The following PSG5 variants were observed in gnomAD, a reference collection of about 807,000 sequenced individuals.
PSG5 encodes the protein pregnancy specific beta-1-glycoprotein 5.
PSG5 carries 53 observed loss-of-function variants against 37.7 expected under a neutral mutation model. The observed-to-expected ratio is 1.41, with a 90% CI of 1.13 to 1.77. PSG5 has a LOEUF of 1.77. Ranked by LOEUF, PSG5 falls within the 40% of genes most tolerant of loss-of-function variation. PSG5 has a pLI of 0.00. For missense variants in PSG5, 547 were observed against 405.2 expected (o/e 1.35, Z -3.00); for synonymous variants, 221 against 155.4 (o/e 1.42, Z -3.14).
chr19:43,179,723 G>T (rs1381860833), intron 2 of PSG5, among the ~76,000 whole-genome samples: 1 of 151,680 alleles, frequency 6.6e-6, no homozygotes, highest in South Asian at 2.1e-4. Context: ...CAGTCATCAG[G>T]CAGTGGAGCC....
rs57854606 is a variant in PSG5, at chr19:43,175,508, A to C, written c.710-39T>G. The C allele has an allele frequency of 8.9e-6, 14 of 1,574,392 alleles. 2 individuals are homozygous for C. The highest frequency in any genetic ancestry group is 1.4e-5 in the African/African-American group (1 of 73,358). On this transcript the variant is annotated intron_variant, in intron 3 of 5. Transcript: ENST00000342951. Reference sequence around the variant, plus strand: ...AATGAAGCCACAGGTGATGTCATCCAAGGGAAGGGGATGCTCCTGGTCTCT... The same window carrying C: ...AATGAAGCCACAGGTGATGTCATCCCAGGGAAGGGGATGCTCCTGGTCTCT...
At chr19:43,168,331 T>C (rs1327181290) in intron 5 of PSG5, 128 bp from the exon 6 acceptor site, 1 of 289,154 alleles carries the variant, frequency 3.5e-6, no homozygotes, top group African/African-American at 2.2e-5. Flanking sequence ...ACATATTTGA[T>C]TTCCAGAAAT....
intron 5 of PSG5, among the ~76,000 whole-genome samples, chr19:43,168,747 A>C (rs1225298035): frequency 6.6e-6 from 1 of 151,536 alleles, no homozygotes; most frequent in Non-Finnish European, 1.5e-5. Flanking sequence ...TTTATTTGAA[A>C]ATGTTTTCTA....
At chr19:43,185,947 A>C (rs1370276173) in intron 1 of PSG5, among the ~76,000 whole-genome samples, 1 of 149,538 alleles carries the variant, frequency 6.7e-6, no homozygotes, top group South Asian at 2.1e-4. Flanking sequence ...TCCAACAGAG[A>C]CTTCTTTCCT....
chr19:43,186,051 G>T (rs1285300188), intron 1 of PSG5, among the ~76,000 whole-genome samples: 1 of 150,292 alleles, frequency 6.7e-6, no homozygotes, highest in Non-Finnish European at 1.5e-5. Flanking sequence ...ATCTCGGCTC[G>T]CTGCAACTTC....
At chr19:43,186,212 A>G (rs1966936497) in intron 1 of PSG5, 130 bp downstream of exon 1, 3 of 1,488,208 alleles carry the variant, frequency 2.0e-6, no homozygotes, top group East Asian at 2.3e-5. Context: ...TCCTGATCTC[A>G]TAATCCACCC....
intron 2 of PSG5, among the ~76,000 whole-genome samples, chr19:43,181,323 CT>C (rs1317956170): frequency 2.0e-5 from 3 of 151,672 alleles, no homozygotes; most frequent in East Asian, 3.8e-4. Context: ...TGTTGTTCCA[CT>C]TTTTTTCCCC....
In PSG5 at chr19:43,181,680, C is replaced by T. The variant is rs555789836; in HGVS notation, c.430+3102G>A. Among the ~76,000 whole-genome samples the T allele has an allele frequency of 1.2e-3, 188 of 151,678 alleles. 3 individuals are homozygous for T. The highest frequency in any genetic ancestry group is 2.2e-3 in the Non-Finnish European group (147 of 67,940). ...TCAACATGTTAGCCAGGATGGTCTC[C>T]ATCTTCTGACCTTGTGCCCGCCTCG... On this transcript the variant is annotated intron_variant, in intron 2 of 5. Transcript: ENST00000342951.
At chr19:43,172,145 G>T (rs898845053) in intron 4 of PSG5, among the ~76,000 whole-genome samples, 1 of 151,260 alleles carries the variant, frequency 6.6e-6, no homozygotes, top group African/African-American at 2.4e-5. Context: ...AATATGAATA[G>T]AACTATAATC....
chr19:43,184,721 G>T (rs1216331242), intron 2 of PSG5, 61 bp downstream of exon 2: 6 of 1,604,504 alleles, frequency 3.7e-6, no homozygotes, highest in Non-Finnish European at 5.1e-6. Context: ...ACAATCCTGT[G>T]TGTGTGAAGT....
chr19:43,173,699 G>A (rs540070251), intron 4 of PSG5, among the ~76,000 whole-genome samples: 1 of 151,710 alleles, frequency 6.6e-6, no homozygotes, highest in South Asian at 2.1e-4. Context: ...CAACAAAAAT[G>A]ACAGCAACAC....
chr19:43,177,515 T>C (rs1050030716), intron 2 of PSG5, among the ~76,000 whole-genome samples: 5 of 151,346 alleles, frequency 3.3e-5, no homozygotes, highest in Non-Finnish European at 7.4e-5. Flanking sequence ...CCCTTTTTTT[T>C]TTTTATCTCA....
At chr19:43,181,217 A>C (rs1454795234) in intron 2 of PSG5, among the ~76,000 whole-genome samples, 1 of 151,622 alleles carries the variant, frequency 6.6e-6, no homozygotes, top group African/African-American at 2.4e-5. Context: ...ACCAATATTC[A>C]CATTACGTGT....
rs707757 is a variant in PSG5 at position 43,168,011 on chromosome 19, A to T, written c.*233T>A. The T allele has an allele frequency of 1.0e-4, 41 of 411,812 alleles. 1 individual carries two copies. Among genetic ancestry groups the T allele is most frequent in the African/African-American group, 4.7e-4 (23 of 48,470 alleles). The allele number at this position is 411,812 out of a possible 1,614,324, so 25.5% of individuals were successfully genotyped here. On this transcript the variant is annotated 3_prime_UTR_variant, in exon 6 of 6. Transcript: ENST00000342951. ...CATGGAGTTTTTTTCTTCTTTGTCTAGAATTTCATGAAGGTATCAGCCTGT... is the reference window on the plus strand; with the variant it reads ...CATGGAGTTTTTTTCTTCTTTGTCTTGAATTTCATGAAGGTATCAGCCTGT...
chr19:43,182,145 G>T (rs1969141352), intron 2 of PSG5, among the ~76,000 whole-genome samples: 1 of 151,732 alleles, frequency 6.6e-6, no homozygotes, highest in African/African-American at 2.4e-5. Flanking sequence ...TTTGAAGCAA[G>T]AATCACAAAA....
At chr19:43,172,784 A>G (rs1211811926) in intron 4 of PSG5, among the ~76,000 whole-genome samples, 1 of 151,670 alleles carries the variant, frequency 6.6e-6, no homozygotes, top group African/African-American at 2.4e-5. Flanking sequence ...AAGACTCAAT[A>G]TTGTTAGGAG....
intron 2 of PSG5, chr19:43,180,313 C>G (rs959634350): frequency 1.3e-5 from 2 of 151,564 alleles, no homozygotes; most frequent in African/African-American, 2.4e-5. Context: ...AGATACAGTG[C>G]TCCTTATGCA....
In PSG5 at chr19:43,175,136, A is replaced by T. The variant is rs1192887172; in HGVS notation, c.964+79T>A. On this transcript the variant is annotated intron_variant, in intron 4 of 5. Transcript: ENST00000342951. ...CATGGGACACAGGCTGGGAATAAAA[A>T]TGTTTTCCTAACTCTTCTCTGAAAG... is the stretch of plus-strand genomic sequence containing the variant. 4.5e-5 allele frequency: 72 copies of T among 1,609,744 alleles called. 1 individual carries two copies. The highest frequency in any genetic ancestry group is 5.9e-5 in the Non-Finnish European group (70 of 1,178,458).
intron 4 of PSG5, among the ~76,000 whole-genome samples, chr19:43,173,537 A>G (rs1384763125): frequency 6.6e-6 from 1 of 151,658 alleles, no homozygotes; most frequent in Non-Finnish European, 1.5e-5. Context: ...TAAAAAATGA[A>G]CAAAGGATTA....
Sources: gnomAD v4.1 joint callset for allele counts (sites outside exome capture counted in the v4.1 genomes callset) on GRCh38, gnomAD v4.1.1 for gene constraint, MANE v1.5 for transcripts, NCBI Gene and HGNC (gene_info 2026-07-23, HGNC 2026-07-21) for gene names.